Variants in ASAP3 observed in about 807,000 individuals in gnomAD.
The protein encoded by ASAP3 is arf-GAP with SH3 domain, ANK repeat and PH domain-containing protein 3.
ASAP3 carries 85 observed loss-of-function variants against 118.2 expected under a neutral mutation model. The ratio of observed to expected loss-of-function variants is 0.72; its 90% CI spans 0.60 to 0.86. The LOEUF is 0.86. Ranked by LOEUF, ASAP3 falls within the 40% of genes least tolerant of loss-of-function variation. ASAP3 has a pLI of 0.00. For missense variants in ASAP3, 1,026 were observed against 1,175.0 expected (o/e 0.87, Z 1.85); for synonymous variants, 432 against 477.4 (o/e 0.90, Z 1.24).
intron 10 of ASAP3, among the ~76,000 whole-genome samples, chr1:23,440,544 G>A (rs906660360): frequency 2.5e-5 from 3 of 119,830 alleles, no homozygotes; most frequent in African/African-American, 6.4e-5. Flanking sequence ...TGAGGGCATA[G>A]TAAGTGTTGC....
intron 4 of ASAP3, 78 bp from the exon 5 acceptor site, chr1:23,451,606 GA>G: frequency 1.3e-6 from 2 of 1,495,304 alleles, no homozygotes; most frequent in Non-Finnish European, 1.9e-6. Flanking sequence ...CTGCCTGTAG[GA>G]GGACCTGCTA....
At chr1:23,481,222 G>A (rs1232377643) in intron 1 of ASAP3, among the ~76,000 whole-genome samples, 1 of 152,102 alleles carries the variant, frequency 6.6e-6, no homozygotes, top group African/African-American at 2.4e-5. Flanking sequence ...CCTGTGATCT[G>A]CCCAGGGTCC....
At chr1:23,459,588 T>C (rs1333677978) in intron 1 of ASAP3, among the ~76,000 whole-genome samples, 2 of 152,182 alleles carry the variant, frequency 1.3e-5, no homozygotes, top group Non-Finnish European at 2.9e-5. Flanking sequence ...ATGCTAAAGC[T>C]GGGATGTCCT....
rs1001904325 is a variant in ASAP3 at position 23,438,038 on chromosome 1, C to T, written c.1103-566G>A. On this transcript the variant is annotated intron_variant, in intron 12 of 24. Coordinates refer to ENST00000336689, the MANE Select transcript of ASAP3 (RefSeq NM_017707.4). The surrounding 1 kb of genome is among the most constrained non-coding windows in gnomAD (Gnocchi z 4.9). ...CTCACTCTGCTACATGAACCCTCCA[C>T]TCTGGCCAAACCGGCCAGACCCACT... 3.9e-5 allele frequency among the ~76,000 whole-genome samples: 6 copies of T among 152,228 alleles called. No individual in the cohort carries two copies. The highest frequency in any genetic ancestry group is 7.3e-5 in the Non-Finnish European group (5 of 68,044).
intron 1 of ASAP3, among the ~76,000 whole-genome samples, chr1:23,479,049 C>T (rs1642223392): frequency 6.6e-6 from 1 of 152,194 alleles, no homozygotes; most frequent in Non-Finnish European, 1.5e-5. Context: ...CCTCCATGAC[C>T]TCTGCTGATG....
chr1:23,429,523 G>A lies in ASAP3; in HGVS notation c.*333C>T, dbSNP rs1640349320. 1 of 197,350 alleles carries A rather than the reference G, an allele frequency of 5.1e-6. No individual in the cohort carries two copies. Among genetic ancestry groups the A allele is most frequent in the Non-Finnish European group, 1.0e-5 (1 of 96,642 alleles). 12.2% of individuals were successfully genotyped at this position (197,350 alleles called of 1,614,324 possible). A position where few individuals can be genotyped will look rare whatever the true frequency, so the allele number is the denominator to read the frequency against. Reference sequence around the variant, plus strand: ...CTCTCCTGCCCTTGTGAAGCCCCCAGACTGACGGGGGAAATAGAGTCTCGA... The same window carrying A: ...CTCTCCTGCCCTTGTGAAGCCCCCAAACTGACGGGGGAAATAGAGTCTCGA... On this transcript the variant is annotated 3_prime_UTR_variant, in exon 25 of 25. Transcript: ENST00000336689.
intron 1 of ASAP3, among the ~76,000 whole-genome samples, chr1:23,474,088 C>T (rs1642045459): frequency 6.7e-6 from 1 of 149,060 alleles, no homozygotes. Context: ...CTGCCTCAGC[C>T]TCCTGAGTAG....
chr1:23,436,706 C>G lies in ASAP3; in HGVS notation c.1477-52G>C. On this transcript the variant is annotated intron_variant, in intron 15 of 24. Coordinates refer to ENST00000336689, the MANE Select transcript of ASAP3 (RefSeq NM_017707.4). The surrounding 1 kb of genome is among the most constrained non-coding windows in gnomAD (Gnocchi z 4.2). ...GGCGGAGTAAGACCGGGCGGTTAAG[C>G]CTGCATAGGGTGGAGCTCCAAGCCC... 6.2e-7 allele frequency: 1 copy of G among 1,607,608 alleles called. No individual in the cohort carries two copies. The highest frequency in any genetic ancestry group is 1.1e-5 in the South Asian group (1 of 90,862).
chr1:23,484,130 G>C lies in ASAP3; in HGVS notation c.4C>G (p.Pro2Ala), dbSNP rs929106916. 8 of 1,277,706 alleles carry C rather than the reference G, an allele frequency of 6.3e-6. No individual in the cohort carries two copies. The highest frequency in any genetic ancestry group is 6.9e-6 in the Non-Finnish European group (7 of 1,014,020). The allele number at this position is 1,277,706 out of a possible 1,614,324, so 79.1% of individuals were successfully genotyped here. Reference sequence around the variant, plus strand: ...AACTCGGCGACGCTGAACTGCTCCGGCATGGCGGGCGCGAGCGTGGAGCTG... The same window carrying C: ...AACTCGGCGACGCTGAACTGCTCCGCCATGGCGGGCGCGAGCGTGGAGCTG... M[P>A]EQFSVAEFLA... Residue 2 changes from proline to alanine, a missense_variant, in exon 1 of 25, where the codon CCG (proline) becomes GCG (alanine). By Grantham distance (27) the Pro-to-Ala change is conservative. Coordinates refer to ENST00000336689, the MANE Select transcript of ASAP3 (RefSeq NM_017707.4).
rs766078591 is a variant in ASAP3, at chr1:23,431,113, A to C, written c.2559T>G (p.Thr853=). The C allele has an allele frequency of 2.4e-5, 38 of 1,589,980 alleles. No homozygotes were observed. The highest frequency in any genetic ancestry group is 3.2e-5 in the Non-Finnish European group (37 of 1,168,798). Residue 853 remains threonine (T), a synonymous_variant, in exon 24 of 25, where the codon ACT becomes ACG. Coordinates refer to ENST00000336689, the MANE Select transcript of ASAP3 (RefSeq NM_017707.4). ...TCCGCGCCCCCCGCCGATAGGAGCG[A>C]GTGCTCTCGGAGCTGGAAGGCAGGG... The part of the protein sequence containing the change: ...YLPVRFSSES[T]RSYRRGARSP...
chr1:23,436,504 A>G lies in ASAP3; in HGVS notation c.1571+56T>C. The G allele has an allele frequency of 6.4e-7, 1 of 1,573,110 alleles. No homozygotes were observed. Among genetic ancestry groups the G allele is most frequent in the Non-Finnish European group, 8.7e-7 (1 of 1,142,934 alleles). ...CCAAGACTTTTCTACGACCCTGGAC[A>G]CTGCGGAGGCAGAATCCCCTAGGCA... is the stretch of plus-strand genomic sequence containing the variant. On this transcript the variant is annotated intron_variant, in intron 16 of 24. Transcript: ENST00000336689. This position sits in a 1 kb window ranked among gnomAD's most constrained non-coding sequence, Gnocchi z 4.2.
intron 1 of ASAP3, among the ~76,000 whole-genome samples, chr1:23,460,604 A>G (rs1180447749): frequency 6.6e-6 from 1 of 152,174 alleles, no homozygotes; most frequent in Non-Finnish European, 1.5e-5. Flanking sequence ...ATGTGGAGCA[A>G]CAGAAACTCC....
chr1:23,431,999 C>T, intron 22 of ASAP3, 81 bp from the exon 23 acceptor site: 8 of 934,008 alleles, frequency 8.6e-6, no homozygotes, highest in Non-Finnish European at 1.2e-5. Flanking sequence ...TCTCTGGCCT[C>T]TAGGATTTTT....
rs1266942935 is a variant in ASAP3 at position 23,436,762 on chromosome 1, G to T, written c.1477-108C>A. On this transcript the variant is annotated intron_variant, in intron 15 of 24. Transcript: ENST00000336689. The surrounding 1 kb of genome is among the most constrained non-coding windows in gnomAD (Gnocchi z 4.2). ...GTCCCGCCCCTCGGCCGCCCTCCCGGTTCAGGCCCCGCCCCTGACCACCCG... is the reference window on the plus strand; with the variant it reads ...GTCCCGCCCCTCGGCCGCCCTCCCGTTTCAGGCCCCGCCCCTGACCACCCG... The T allele has an allele frequency of 1.2e-5, 19 of 1,551,704 alleles. No homozygotes were observed. Among genetic ancestry groups the T allele is most frequent in the Non-Finnish European group, 1.6e-5 (18 of 1,142,284 alleles).
Position 23,484,147 on chromosome 1 carries a change from G to C in ASAP3, c.-14C>G, listed in dbSNP as rs1255856677. On this transcript the variant is annotated 5_prime_UTR_variant, in exon 1 of 25. Coordinates refer to ENST00000336689, the MANE Select transcript of ASAP3 (RefSeq NM_017707.4). Reference sequence around the variant, plus strand: ...CTGCTCCGGCATGGCGGGCGCGAGCGTGGAGCTGCCGGAGCGGGGCGCGGG... The same window carrying C: ...CTGCTCCGGCATGGCGGGCGCGAGCCTGGAGCTGCCGGAGCGGGGCGCGGG... The C allele has an allele frequency of 1.6e-6, 2 of 1,261,846 alleles. No homozygotes were observed. The highest frequency in any genetic ancestry group is 3.1e-5 in the East Asian group (1 of 32,008). 78.2% of individuals were successfully genotyped at this position (1,261,846 alleles called of 1,614,324 possible). A position where few individuals can be genotyped will look rare whatever the true frequency, so the allele number is the denominator to read the frequency against.
In ASAP3 at chr1:23,442,182, C is replaced by T; in HGVS notation, c.671+4G>A. ...TAGTGGCAGGGACGCGGGAAGATAC[C>T]TACTTGTGCTGGGCGTGGAAGAACT... On this transcript the variant is annotated splice_donor_region_variant and intron_variant, in intron 7 of 24. Transcript: ENST00000336689. The T allele has an allele frequency of 6.3e-7, 1 of 1,595,032 alleles. No homozygotes were observed. The highest frequency in any genetic ancestry group is 1.1e-5 in the South Asian group (1 of 87,468).
chr1:23,464,764 A>G (rs1641712434), intron 1 of ASAP3, among the ~76,000 whole-genome samples: 1 of 151,428 alleles, frequency 6.6e-6, no homozygotes. Context: ...GGGGCCCTCA[A>G]CCAGCAGCAG....
In ASAP3 at chr1:23,452,658, T is replaced by G. The variant is rs1327420366; in HGVS notation, c.423+39A>C. On this transcript the variant is annotated intron_variant, in intron 4 of 24. Transcript: ENST00000336689. ...CAACAGTCTCCTGCCCACCCCTCTT[T>G]TACTCTGTCCCACCACCACTCCCAG... 4.4e-6 allele frequency: 7 copies of G among 1,602,750 alleles called. No homozygotes were observed. The South Asian group carries it at 7.7e-5, about 18-fold the overall frequency.
At chr1:23,476,921 C>T (rs955362870) in intron 1 of ASAP3, among the ~76,000 whole-genome samples, 10 of 151,782 alleles carry the variant, frequency 6.6e-5, no homozygotes, top group African/African-American at 2.4e-4. Flanking sequence ...TTTCTGAAAA[C>T]ACACTATGGT....
Sources: allele counts gnomAD v4.1 joint callset (sites outside exome capture counted in the v4.1 genomes callset), GRCh38; gene constraint gnomAD v4.1.1; non-coding constraint Gnocchi (gnomAD v3.1); transcripts MANE v1.5; gene names NCBI Gene and HGNC (gene_info 2026-07-23, HGNC 2026-07-21).